ZNF81: variants seen among roughly 807,000 people sequenced by gnomAD.
ZNF81 encodes zinc finger protein 81 (HFZ20).
A neutral mutation model predicts 32.3 loss-of-function variants in ZNF81; 5 were observed. The ratio of observed to expected loss-of-function variants is 0.15; its 90% CI spans 0.08 to 0.33. The LOEUF is 0.33. ZNF81 is among the 10% of genes least tolerant of loss of function. ZNF81 has a pLI of 1.00. For synonymous variants in ZNF81, 163 were observed against 166.8 expected (o/e 0.98, Z 0.17); for missense variants, 379 against 479.8 (o/e 0.79, Z 1.96).
At position 47,892,250 on chromosome X, in the gene ZNF81, C is replaced by G. The variant is rs146609483; in HGVS notation, c.182-3595C>G. On this transcript the variant is annotated intron_variant, in intron 3 of 4. Coordinates refer to ENST00000338637, the MANE Select transcript of ZNF81 (RefSeq NM_007137.5). ...CTTGCATTTGGCGATTAAGTACCTCCCTTTAACCCCTGCCACCCCAGGATC... is the reference window on the plus strand; with the variant it reads ...CTTGCATTTGGCGATTAAGTACCTCGCTTTAACCCCTGCCACCCCAGGATC... Among the ~76,000 whole-genome samples, 355 of 111,457 alleles carry G rather than the reference C, an allele frequency of 3.2e-3. 1 individual carries two copies. Among genetic ancestry groups the G allele is most frequent in the African/African-American group, 0.011 (347 of 30,619 alleles).
chrX:47,854,891 C>A (rs1299768699), intron 2 of ZNF81, among the ~76,000 whole-genome samples: 1 of 111,041 alleles, frequency 9.0e-6, no homozygotes, highest in East Asian at 2.8e-4. Flanking sequence ...GTCAGGAGTT[C>A]GAGACCAGCC....
intron 3 of ZNF81, among the ~76,000 whole-genome samples, chrX:47,890,438 A>G (rs782653487): frequency 4.6e-4 from 52 of 112,343 alleles, no homozygotes; most frequent in African/African-American, 1.6e-3. Context: ...GCCAAAAATT[A>G]TTTCTCAAAA....
intron 2 of ZNF81, among the ~76,000 whole-genome samples, chrX:47,883,125 A>G (rs781891957): frequency 1.8e-5 from 2 of 112,292 alleles, no homozygotes; most frequent in African/African-American, 3.2e-5. Flanking sequence ...TGCTTTCTCA[A>G]TATAGCTTAA....
chrX:47,895,657 C>T (rs2058677169), intron 3 of ZNF81, among the ~76,000 whole-genome samples, 188 bp from the exon 4 acceptor site: 1 of 112,110 alleles, frequency 8.9e-6, no homozygotes, highest in South Asian at 3.7e-4. Flanking sequence ...TGTTTCCCTT[C>T]ACCACCACTG....
In ZNF81 at chrX:47,915,622, G is replaced by A; in HGVS notation, c.976G>A (p.Asp326Asn). 8.3e-7 allele frequency: 1 copy of A among 1,210,194 alleles called. No individual in the cohort carries two copies. Among genetic ancestry groups the A allele is most frequent in the South Asian group, 1.8e-5 (1 of 56,814 alleles). The change falls in exon 5 of 5, where the codon GAT becomes AAT. Residue 326 changes from aspartate to asparagine, a missense_variant. Physicochemically the swap from Asp to Asn is conservative, Grantham distance 23. Coordinates refer to ENST00000338637, the MANE Select transcript of ZNF81 (RefSeq NM_007137.5). ...CAGTATATATCTGAGAGTTCATAGAGATGAAAAACTCTACATATGTACTAA... is the reference window on the plus strand; with the variant it reads ...CAGTATATATCTGAGAGTTCATAGAAATGAAAAACTCTACATATGTACTAA... Reference protein sequence around the residue: ...LLSIYLRVHRDEKLYICTKCG... With the variant: ...LLSIYLRVHRNEKLYICTKCG...
rs1053229782 is a variant in ZNF81 at position 47,916,934 on chromosome X, T to A, written c.*302T>A. 5 of 274,182 alleles carry A rather than the reference T, an allele frequency of 1.8e-5. No individual in the cohort carries two copies. The South Asian group carries it at 6.3e-4, about 34-fold the overall frequency. 22.6% of individuals were successfully genotyped at this position (274,182 alleles called of 1,213,427 possible). A position where few individuals can be genotyped will look rare whatever the true frequency, so the allele number is the denominator to read the frequency against. On this transcript the variant is annotated 3_prime_UTR_variant, in exon 5 of 5. Coordinates refer to ENST00000338637, the MANE Select transcript of ZNF81 (RefSeq NM_007137.5). ...TAGAAAGTATTATAAGTTAAATTGT[T>A]ACCAAATTCTTTATAGGAAGGAGAG...
chrX:47,844,543 T>A (rs2058462984), intron 1 of ZNF81, among the ~76,000 whole-genome samples: 1 of 112,651 alleles, frequency 8.9e-6, no homozygotes, highest in Admixed American at 9.4e-5. Flanking sequence ...ATTGTGTATA[T>A]ATGCGAAATT....
intron 4 of ZNF81, among the ~76,000 whole-genome samples, chrX:47,898,458 C>T (rs2058687339): frequency 8.9e-6 from 1 of 111,942 alleles, no homozygotes; most frequent in African/African-American, 3.2e-5. Context: ...TTAGCAAACC[C>T]ATACTATCTT....
chrX:47,879,747 A>T (rs1168998060), intron 2 of ZNF81, among the ~76,000 whole-genome samples: 3 of 111,991 alleles, frequency 2.7e-5, no homozygotes, highest in African/African-American at 9.8e-5. Context: ...GCTTGAAAAG[A>T]TAAGTTGGAA....
intron 1 of ZNF81, among the ~76,000 whole-genome samples, chrX:47,840,062 T>G (rs995094279): frequency 8.1e-5 from 9 of 110,475 alleles, no homozygotes; most frequent in African/African-American, 2.6e-4. Context: ...GGCTGCAGGA[T>G]CTGCAGTTAC....
chrX:47,881,873 C>T (rs1394826163), intron 2 of ZNF81, among the ~76,000 whole-genome samples: 1 of 111,883 alleles, frequency 8.9e-6, no homozygotes, highest in Non-Finnish European at 1.9e-5. Context: ...AACTCCTGGG[C>T]TCAAACGATC....
intron 2 of ZNF81, among the ~76,000 whole-genome samples, chrX:47,865,557 G>A (rs976477704): frequency 1.8e-5 from 2 of 111,763 alleles, no homozygotes; most frequent in African/African-American, 6.5e-5. Flanking sequence ...GACCCTGAAG[G>A]TAAGGAGCAG....
rs2058469744 is a variant in ZNF81 at position 47,846,233 on chromosome X, A to C, written c.-35A>C. On this transcript the variant is annotated 5_prime_UTR_variant, in exon 2 of 5. Coordinates refer to ENST00000338637, the MANE Select transcript of ZNF81 (RefSeq NM_007137.5). ...TGGAATTATAAAGTTGTCAGCAAGAAAGCCCCAGGGCTGAAGTCCAAGTCC... is the reference window on the plus strand; with the variant it reads ...TGGAATTATAAAGTTGTCAGCAAGACAGCCCCAGGGCTGAAGTCCAAGTCC... 2 of 1,201,761 alleles carry C rather than the reference A, an allele frequency of 1.7e-6. No individual in the cohort carries two copies. Among genetic ancestry groups the C allele is most frequent in the Non-Finnish European group, 1.1e-6 (1 of 890,788 alleles).
chrX:47,917,714 C>T lies in ZNF81; in HGVS notation c.*1082C>T, dbSNP rs1292048114. ...GCTGAGCCAGCCTAGCCCAGAAGAG[C>T]CATACCAGTTATTCCAGCTGATTTA... On this transcript the variant is annotated 3_prime_UTR_variant, in exon 5 of 5. Coordinates refer to ENST00000338637, the MANE Select transcript of ZNF81 (RefSeq NM_007137.5). 2.2e-5 allele frequency: 3 copies of T among 134,014 alleles called. No individual in the cohort carries two copies. The highest frequency in any genetic ancestry group is 3.1e-5 in the African/African-American group (1 of 31,787). 11.0% of individuals were successfully genotyped at this position (134,014 alleles called of 1,213,427 possible). A position where few individuals can be genotyped will look rare whatever the true frequency, so the allele number is the denominator to read the frequency against.
intron 4 of ZNF81, among the ~76,000 whole-genome samples, chrX:47,896,520 A>G (rs1235532569): frequency 9.0e-6 from 1 of 111,098 alleles, no homozygotes; most frequent in Non-Finnish European, 1.9e-5. Flanking sequence ...ATGGCCTAGT[A>G]CCTCTCTCCC....
Position 47,879,728 on chromosome X carries a change from T to A in ZNF81, c.55-8271T>A, listed in dbSNP as rs973931004. On this transcript the variant is annotated intron_variant, in intron 2 of 4. Transcript: ENST00000338637. The stretch of plus-strand genomic sequence containing the variant: ...CTCTGTCTTCCAGGGCTGCTTGCTG[T>A]ATTAACAGGCTTGAAAAGATAAGTT... Among the ~76,000 whole-genome samples, 156 of 112,219 alleles carry A rather than the reference T, an allele frequency of 1.4e-3. 1 individual carries two copies. Among genetic ancestry groups the A allele is most frequent in the Non-Finnish European group, 7.1e-4 (38 of 53,272 alleles).
At chrX:47,877,785 G>A (rs1050761801) in intron 2 of ZNF81, among the ~76,000 whole-genome samples, 1 of 112,098 alleles carries the variant, frequency 8.9e-6, no homozygotes, top group Non-Finnish European at 1.9e-5. Context: ...ACATAAAAAC[G>A]AGGGGAGTTT....
intron 2 of ZNF81, among the ~76,000 whole-genome samples, chrX:47,872,601 T>C (rs1429015296): frequency 8.9e-6 from 1 of 111,956 alleles, no homozygotes; most frequent in Non-Finnish European, 1.9e-5. Context: ...ACAATGGCAC[T>C]GAAGTCAGAG....
chrX:47,894,531 G>T (rs2058673282), intron 3 of ZNF81, among the ~76,000 whole-genome samples: 1 of 111,288 alleles, frequency 9.0e-6, no homozygotes, highest in Non-Finnish European at 1.9e-5. Flanking sequence ...GAATCATTGT[G>T]TGTCTCCTGG....
Sources: allele counts gnomAD v4.1 joint callset (sites outside exome capture counted in the v4.1 genomes callset), GRCh38; gene constraint gnomAD v4.1.1; transcripts MANE v1.5; gene names NCBI Gene and HGNC (gene_info 2026-07-23, HGNC 2026-07-21).